The following ITGA4 variants were observed in gnomAD, a reference collection of about 807,000 sequenced individuals.
The protein encoded by ITGA4 is integrin subunit alpha 4, also known as integrin alpha-4.
Under a neutral mutation model 133.6 loss-of-function variants are expected in ITGA4, and 63 were observed. The ratio of observed to expected loss-of-function variants is 0.47; its 90% CI spans 0.38 to 0.58. ITGA4 has a LOEUF of 0.58. Ranked by LOEUF, ITGA4 falls within the 20% of genes least tolerant of loss-of-function variation. The pLI is 0.00. For missense variants in ITGA4, 1,076 were observed against 1,252.7 expected, an observed-to-expected ratio of 0.86 and a Z score of 2.13; for synonymous variants, 483 against 438.0, an observed-to-expected ratio of 1.10 and a Z score of -1.28.
chr2:181,510,203 G>C (rs1024273259), intron 16 of ITGA4, among the ~76,000 whole-genome samples: 1 of 152,020 alleles, frequency 6.6e-6, no homozygotes, highest in African/African-American at 2.4e-5. Context: ...CCTACTCACA[G>C]ATTCACTCAT....
At chr2:181,488,077 C>T (rs1479745461) in intron 10 of ITGA4, among the ~76,000 whole-genome samples, 5 of 152,176 alleles carry the variant, frequency 3.3e-5, no homozygotes, top group Admixed American at 3.3e-4. Flanking sequence ...TATGTATGTA[C>T]ACATGAGAAA....
Position 181,522,330 on chromosome 2 carries a change from A to G in ITGA4, c.2062A>G (p.Ile688Val). 2 of 1,603,678 alleles carry G rather than the reference A, an allele frequency of 1.2e-6. No homozygotes were observed. Among genetic ancestry groups the G allele is most frequent in the Non-Finnish European group, 1.7e-6 (2 of 1,174,684 alleles). The stretch of plus-strand genomic sequence containing the variant: ...ACCCGTGGGTCTTTATTTCATTAAG[A>G]TTTTAGAGCTGGTAAGTACTGTAAA... ...KLPVGLYFIK[I>V]LELEEKQINC... The change falls in exon 18 of 28, where the codon ATT becomes GTT. Residue 688 changes from isoleucine (I) to valine (V), a missense_variant. Ile to Val is a conservative substitution (Grantham distance 29, BLOSUM62 3). This residue lies in a region of ITGA4 where 365 missense variants were observed against 421.4 expected (regional missense o/e 0.87). Coordinates refer to ENST00000397033, the MANE Select transcript of ITGA4 (RefSeq NM_000885.6).
chr2:181,478,511 T>A (rs1360739373), intron 4 of ITGA4, among the ~76,000 whole-genome samples: 1 of 152,156 alleles, frequency 6.6e-6, no homozygotes, highest in Non-Finnish European at 1.5e-5. Flanking sequence ...TTGACAAAAA[T>A]TTTTTGAGTA....
chr2:181,506,487 T>C (rs1371524908), intron 15 of ITGA4, among the ~76,000 whole-genome samples: 1 of 152,048 alleles, frequency 6.6e-6, no homozygotes, highest in Non-Finnish European at 1.5e-5. Flanking sequence ...GGACCCCAGA[T>C]TTGAACACCA....
At chr2:181,462,573 G>A (rs1183212160) in intron 2 of ITGA4, among the ~76,000 whole-genome samples, 4 of 152,112 alleles carry the variant, frequency 2.6e-5, no homozygotes, top group Non-Finnish European at 5.9e-5. Flanking sequence ...AGCTGAGATT[G>A]CAGATTGGTC....
intron 24 of ITGA4, among the ~76,000 whole-genome samples, chr2:181,530,956 G>A (rs556310264): frequency 4.5e-4 from 68 of 151,916 alleles, no homozygotes; most frequent in Non-Finnish European, 8.4e-4. Context: ...GTGAAACCCC[G>A]TCTCTACTAA....
intron 17 of ITGA4, among the ~76,000 whole-genome samples, chr2:181,512,806 G>A (rs1686531450): frequency 6.6e-6 from 1 of 152,014 alleles, no homozygotes; most frequent in East Asian, 1.9e-4. Flanking sequence ...CCAAATGACA[G>A]GATTAGTGAT....
In ITGA4 at chr2:181,495,005, C is replaced by T. The variant is rs574624504; in HGVS notation, c.1339+193C>T. Among the ~76,000 whole-genome samples, 6 of 152,162 alleles carry T rather than the reference C, an allele frequency of 3.9e-5. No individual in the cohort carries two copies. Among genetic ancestry groups the T allele is most frequent in the Non-Finnish European group, 7.4e-5 (5 of 68,014 alleles). ...CCTCAGCTTAACAGTGCTAGTTACA[C>T]AATGTTATAGTCTGTGTTTTTGAAA... On this transcript the variant is annotated intron_variant, in intron 12 of 27. Transcript: ENST00000397033. This position sits in a 1 kb window ranked among gnomAD's most constrained non-coding sequence, Gnocchi z 4.3.
At chr2:181,488,719 A>G (rs2034831) in intron 10 of ITGA4, among the ~76,000 whole-genome samples, 2 of 151,418 alleles carry the variant, frequency 1.3e-5, no homozygotes, top group Admixed American at 6.6e-5. Context: ...CCACCACCCC[A>G]GCTAATTTTT....
intron 17 of ITGA4, among the ~76,000 whole-genome samples, chr2:181,519,176 CACAA>C (rs899021140): frequency 2.0e-5 from 3 of 152,022 alleles, no homozygotes; most frequent in African/African-American, 4.8e-5. Context: ...ATGTTAATCT[CACAA>C]ACAAAATTTT....
intron 20 of ITGA4, among the ~76,000 whole-genome samples, chr2:181,524,769 G>T (rs1686798562): frequency 6.6e-6 from 1 of 152,056 alleles, no homozygotes. Flanking sequence ...GGCAGTACAT[G>T]ACTTGCTATA....
At chr2:181,469,040 G>C (rs2105719592) in intron 2 of ITGA4, among the ~76,000 whole-genome samples, 1 of 152,296 alleles carries the variant, frequency 6.6e-6, no homozygotes, top group Non-Finnish European at 1.5e-5. Flanking sequence ...TTGAAAACCA[G>C]ATTATAAATC....
At position 181,537,445 on chromosome 2, in the gene ITGA4, AATTTTAAAACCCTACCACT is replaced by A. The variant is rs1687199287; in HGVS notation, c.*1919_*1937del. 8.9e-6 allele frequency: 4 copies of A among 448,112 alleles called. No homozygotes were observed. Among genetic ancestry groups the A allele is most frequent in the Non-Finnish European group, 1.3e-5 (3 of 222,646 alleles). The allele number at this position is 448,112 out of a possible 1,614,324, so 27.8% of individuals were successfully genotyped here. ...AACTTACTTTGTTACTTGTATCATG[AATTTTAAAACCCTACCACT>A]TTAAGAAGACAGGGATGGGTTATTC... On this transcript the variant is annotated 3_prime_UTR_variant, in exon 28 of 28. Coordinates refer to ENST00000397033, the MANE Select transcript of ITGA4 (RefSeq NM_000885.6).
At chr2:181,494,621 C>A (rs1686122970) in intron 11 of ITGA4, 101 bp from the exon 12 acceptor site, 1 of 724,018 alleles carries the variant, frequency 1.4e-6, no homozygotes, top group South Asian at 1.6e-5. Context: ...AGTAGATGTG[C>A]CAAGGCATGC....
At chr2:181,499,401 A>C (rs1352274353) in intron 15 of ITGA4, among the ~76,000 whole-genome samples, 1 of 152,132 alleles carries the variant, frequency 6.6e-6, no homozygotes, top group Non-Finnish European at 1.5e-5. Flanking sequence ...TGATCATCAC[A>C]TTCCTCACAT....
chr2:181,523,403 C>T lies in ITGA4; in HGVS notation c.2074-34C>T. On this transcript the variant is annotated intron_variant, in intron 18 of 27. Transcript: ENST00000397033. This position sits in a 1 kb window ranked among gnomAD's most constrained non-coding sequence, Gnocchi z 4.2. ...ATGTTACAAACTTTTTATTTCCTTC[C>T]TGTCCAAAACAGTTGTTTCATTTTT... 1 of 1,246,918 alleles carries T rather than the reference C, an allele frequency of 8.0e-7. No homozygotes were observed. The highest frequency in any genetic ancestry group is 2.3e-5 in the East Asian group (1 of 42,938). The allele number at this position is 1,246,918 out of a possible 1,614,324, so 77.2% of individuals were successfully genotyped here. A position where few individuals can be genotyped will look rare whatever the true frequency, so the allele number is the denominator to read the frequency against.
intron 15 of ITGA4, among the ~76,000 whole-genome samples, chr2:181,500,643 T>C (rs1686248001): frequency 6.6e-6 from 1 of 152,138 alleles, no homozygotes; most frequent in African/African-American, 2.4e-5. Context: ...GAAGTGGCAC[T>C]TGTTAATTAT....
At chr2:181,475,316 A>G (rs188507209) in intron 4 of ITGA4, 28 bp downstream of exon 4, 21 of 1,572,618 alleles carry the variant, frequency 1.3e-5, no homozygotes, top group Non-Finnish European at 1.8e-5. Flanking sequence ...TACGAATTAG[A>G]TAAAGATAAG....
chr2:181,497,876 C>T (rs1411612955), intron 14 of ITGA4, among the ~76,000 whole-genome samples: 1 of 147,596 alleles, frequency 6.8e-6, no homozygotes, highest in African/African-American at 2.5e-5. Flanking sequence ...TTCTTTTTTC[C>T]TTTTTTTTTT....
Sources: allele counts gnomAD v4.1 joint callset (sites outside exome capture counted in the v4.1 genomes callset), GRCh38; gene constraint gnomAD v4.1.1; regional missense constraint gnomAD v4.1.1; non-coding constraint Gnocchi (gnomAD v3.1); transcripts MANE v1.5; gene names NCBI Gene and HGNC (gene_info 2026-07-23, HGNC 2026-07-21).